The following ZNF208 variants were observed in gnomAD, a reference collection of about 807,000 sequenced individuals.
ZNF208 encodes zinc finger protein 208, also known as zinc finger protein 95.
ZNF208 carries 10 observed loss-of-function variants against 12.1 expected under a neutral mutation model. That is an observed-to-expected ratio of 0.83 (90% confidence interval 0.51 to 1.40). The LOEUF (loss-of-function observed/expected upper bound fraction) is 1.40. Ranked by LOEUF, ZNF208 falls within the 40% of genes most tolerant of loss-of-function variation. The pLI is 0.00. For missense variants in ZNF208, 1,652 were observed against 1,485.0 expected (o/e 1.11, Z -1.85); for synonymous variants, 497 against 488.4 (o/e 1.02, Z -0.23).
chr19:21,974,860 AC>A, intron 3 of ZNF208, 53 bp from the exon 4 acceptor site: 1 of 1,457,158 alleles, frequency 6.9e-7, no homozygotes, highest in Non-Finnish European at 9.0e-7. Context: ...TCAGATAAAT[AC>A]AGTTTCTAAA....
chr19:21,960,375 TAA>T (rs903418754), intron 4 of ZNF208, among the ~76,000 whole-genome samples: 3 of 151,652 alleles, frequency 2.0e-5, no homozygotes, highest in African/African-American at 7.3e-5. Flanking sequence ...TTTCTAGAAA[TAA>T]AAAAAGAGAT....
At chr19:22,008,038 C>T (rs1971078449) in intron 1 of ZNF208, among the ~76,000 whole-genome samples, 1 of 141,830 alleles carries the variant, frequency 7.1e-6, no homozygotes, top group Admixed American at 7.3e-5. Context: ...GGCGCGGTGG[C>T]TCACACCTGT....
chr19:21,946,714 A>G (rs1294517920), intron 4 of ZNF208, among the ~76,000 whole-genome samples: 5 of 152,144 alleles, frequency 3.3e-5, no homozygotes, highest in African/African-American at 1.2e-4. Context: ...TTACTTTCTG[A>G]GGCTTCTTGT....
At chr19:21,948,181 ATTCT>A (rs1460030377) in intron 4 of ZNF208, among the ~76,000 whole-genome samples, 1 of 152,184 alleles carries the variant, frequency 6.6e-6, no homozygotes, top group Non-Finnish European at 1.5e-5. Flanking sequence ...CCTCTAGTGC[ATTCT>A]GAAACACTGG....
chr19:22,003,515 A>AC lies in ZNF208; in HGVS notation c.3+7276dup, dbSNP rs71178802. On this transcript the variant is annotated intron_variant, in intron 1 of 3. Coordinates refer to ENST00000397126, the MANE Select transcript of ZNF208 (RefSeq NM_007153.3). The stretch of plus-strand genomic sequence containing the variant: ...AAACTAAAAAGAAGACCAAAAAAAA[A>AC]CATGAAAAAGACGTTTGTCTTCAAA... Among the ~76,000 whole-genome samples, 1,166 of 151,980 alleles carry AC rather than the reference A, an allele frequency of 7.7e-3. 9 individuals carry two copies. Among genetic ancestry groups the AC allele is most frequent in the African/African-American group, 0.026 (1,092 of 41,482 alleles).
chr19:21,983,852 G>T (rs1278177134), intron 3 of ZNF208, among the ~76,000 whole-genome samples: 1 of 152,106 alleles, frequency 6.6e-6, no homozygotes. Context: ...GGCCTGTCAA[G>T]GGGTGGGGGC....
chr19:21,986,573 C>A (rs1162083430), intron 3 of ZNF208, among the ~76,000 whole-genome samples: 1 of 151,926 alleles, frequency 6.6e-6, no homozygotes, highest in African/African-American at 2.4e-5. Flanking sequence ...CCATATTATC[C>A]AAAGTGATCT....
Position 21,945,993 on chromosome 19 carries a change from C to T in ZNF208, c.306-12756G>A, listed in dbSNP as rs374541138. Among the ~76,000 whole-genome samples, 14 of 152,138 alleles carry T rather than the reference C, an allele frequency of 9.2e-5. No homozygotes were observed. The South Asian group carries it at 2.7e-3, about 29-fold the overall frequency. ...GCCCTCGGATGCACAAGTAGGAGAA[C>T]CTAAAGCCCATTTAGATAAAAATTT... On this transcript the variant is annotated intron_variant, in intron 4 of 4. Transcript: ENST00000599916.
chr19:21,967,980 ATTTT>A lies in ZNF208; in HGVS notation c.*3207_*3210del, dbSNP rs781731531. On this transcript the variant is annotated 3_prime_UTR_variant, in exon 4 of 4. Transcript: ENST00000397126. ...CCCTTGATTTAATGTATTTCTAGGT[ATTTT>A]TTTGTGTGTTTGTTGCTATTGTAAA... is the stretch of plus-strand genomic sequence containing the variant. 2 of 151,674 alleles carry A rather than the reference ATTTT, an allele frequency of 1.3e-5. No individual in the cohort carries two copies. The highest frequency in any genetic ancestry group is 2.9e-5 in the Non-Finnish European group (2 of 67,884). The allele number at this position is 151,674 out of a possible 1,614,324, so 9.4% of individuals were successfully genotyped here.
chr19:21,982,613 A>G (rs1191288574), intron 3 of ZNF208, among the ~76,000 whole-genome samples: 1 of 152,122 alleles, frequency 6.6e-6, no homozygotes, highest in African/African-American at 2.4e-5. Flanking sequence ...ACTTCAAATT[A>G]CCCTATGAGG....
At chr19:21,959,501 G>T (rs539252245) in intron 4 of ZNF208, among the ~76,000 whole-genome samples, 1 of 152,134 alleles carries the variant, frequency 6.6e-6, no homozygotes, top group East Asian at 1.9e-4. Flanking sequence ...TTCACCAGAA[G>T]AATACCTTTG....
intron 1 of ZNF208, among the ~76,000 whole-genome samples, chr19:22,001,736 AC>A (rs1970950466): frequency 6.6e-6 from 1 of 151,508 alleles, no homozygotes; most frequent in Non-Finnish European, 1.5e-5. Context: ...CTAAAAACAC[AC>A]AAAAAATTAG....
downstream of ZNF208, among the ~76,000 whole-genome samples, chr19:21,962,063 C>T (rs780209374): frequency 8.5e-5 from 13 of 152,222 alleles, no homozygotes; most frequent in African/African-American, 3.1e-4. Flanking sequence ...GAAATCTTCA[C>T]AATTGATGTT....
intron 2 of ZNF208, 26 bp from the exon 3 acceptor site, chr19:21,987,337 G>A (rs1970645536): frequency 1.3e-6 from 2 of 1,590,600 alleles, no homozygotes; most frequent in Non-Finnish European, 1.7e-6. Context: ...TGAACAACAT[G>A]CTTCTTGCTC....
At chr19:21,992,498 T>C (rs1970758692) in intron 1 of ZNF208, among the ~76,000 whole-genome samples, 3 of 152,340 alleles carry the variant, frequency 2.0e-5, no homozygotes, top group Non-Finnish European at 4.4e-5. Flanking sequence ...GGGTAATAAA[T>C]ACCATACTGC....
intron 4 of ZNF208, chr19:21,940,410 TA>T (rs1333713884): frequency 6.6e-6 from 1 of 152,026 alleles, no homozygotes; most frequent in Non-Finnish European, 1.5e-5. Context: ...TAAAATAGAG[TA>T]AAAATTTTAG....
At chr19:21,980,776 A>G (rs1280548008) in intron 3 of ZNF208, among the ~76,000 whole-genome samples, 1 of 152,138 alleles carries the variant, frequency 6.6e-6, no homozygotes, top group Non-Finnish European at 1.5e-5. Context: ...TGAATCCAGG[A>G]GCTGGTTTTT....
chr19:21,941,506 G>A, intron 4 of ZNF208: 1 of 397,132 alleles, frequency 2.5e-6, no homozygotes, highest in Admixed American at 4.4e-5. Flanking sequence ...ATGAATAAAG[G>A]TGATTCTCAA....
At position 21,970,926 on chromosome 19, in the gene ZNF208, A is replaced by G. The variant is rs1029314005; in HGVS notation, c.*265T>C. Among the ~76,000 whole-genome samples the G allele has an allele frequency of 2.0e-5, 3 of 151,524 alleles. No individual in the cohort carries two copies. Among genetic ancestry groups the G allele is most frequent in the African/African-American group, 4.9e-5 (2 of 41,220 alleles). ...GAGGACCACTTATAGGCTTTGCCAC[A>G]TTCTTTGCATTTGTATGGTTTCTCT... is the stretch of plus-strand genomic sequence containing the variant. On this transcript the variant is annotated 3_prime_UTR_variant, in exon 4 of 4. Coordinates refer to ENST00000397126, the MANE Select transcript of ZNF208 (RefSeq NM_007153.3).
Sources: allele counts gnomAD v4.1 joint callset (sites outside exome capture counted in the v4.1 genomes callset), GRCh38; gene constraint gnomAD v4.1.1; transcripts MANE v1.5; gene names NCBI Gene and HGNC (gene_info 2026-07-23, HGNC 2026-07-21).